Variants in ASB15 observed in about 807,000 individuals in gnomAD.
ASB15 encodes ankyrin repeat and SOCS box protein 15.
Under a neutral mutation model 58.0 loss-of-function variants are expected in ASB15, and 54 were observed. The ratio of observed to expected loss-of-function variants is 0.93; its 90% CI spans 0.75 to 1.17. The LOEUF is 1.17. ASB15 is among the 50% of genes most tolerant of loss of function. The pLI is 0.00. For missense variants in ASB15, 680 were observed against 707.4 expected (o/e 0.96, Z 0.44); for synonymous variants, 249 against 262.4 (o/e 0.95, Z 0.50).
In ASB15 at chr7:123,637,732, T is replaced by C. The variant is rs865818734; in HGVS notation, c.*751T>C. 6.6e-6 allele frequency: 1 copy of C among 151,924 alleles called. No individual in the cohort carries two copies. Among genetic ancestry groups the C allele is most frequent in the African/African-American group, 2.4e-5 (1 of 41,362 alleles). 9.4% of individuals were successfully genotyped at this position (151,924 alleles called of 1,614,324 possible). On this transcript the variant is annotated 3_prime_UTR_variant, in exon 12 of 12. Coordinates refer to ENST00000451215, the MANE Select transcript of ASB15 (RefSeq NM_001290258.2). ...CTCTGGGATATTTTATCCACATCCA[T>C]GGTCTTAATCATTTTGCTAGAGACT...
At chr7:123,620,522 A>ATTTTT (rs1801185561) in intron 7 of ASB15, among the ~76,000 whole-genome samples, 1 of 10,380 alleles carries the variant, frequency 9.6e-5, no homozygotes. Flanking sequence ...ATATATATAT[A>ATTTTT]TATATATATA....
At chr7:123,574,161 CT>C (rs1448611815) in intron 1 of ASB15, among the ~76,000 whole-genome samples, 3 of 150,912 alleles carry the variant, frequency 2.0e-5, no homozygotes, top group Non-Finnish European at 4.4e-5. Flanking sequence ...GACATCTCTT[CT>C]TTTTTTATAT....
rs1425843529 is a variant in ASB15, at chr7:123,637,890, A to C, written c.*909A>C. Reference sequence around the variant, plus strand: ...TCCCCAGATGAACTAAAAAAAAAAAAAAAAAAAAAACCTCTTTCCCGAGCT... The same window carrying C: ...TCCCCAGATGAACTAAAAAAAAAAACAAAAAAAAAACCTCTTTCCCGAGCT... On this transcript the variant is annotated 3_prime_UTR_variant, in exon 12 of 12. Coordinates refer to ENST00000451215, the MANE Select transcript of ASB15 (RefSeq NM_001290258.2). 10 of 149,164 alleles carry C rather than the reference A, an allele frequency of 6.7e-5. 2 individuals are homozygous for C. Among genetic ancestry groups the C allele is most frequent in the South Asian group, 6.6e-4 (3 of 4,562 alleles). 9.2% of individuals were successfully genotyped at this position (149,164 alleles called of 1,614,324 possible).
chr7:123,634,744 A>T (rs1403564788), intron 11 of ASB15, among the ~76,000 whole-genome samples: 2 of 152,252 alleles, frequency 1.3e-5, no homozygotes, highest in Non-Finnish European at 2.9e-5. Flanking sequence ...TAAATAATTT[A>T]AAAAGATATA....
chr7:123,617,280 T>C (rs917029715), intron 6 of ASB15, among the ~76,000 whole-genome samples: 9 of 152,174 alleles, frequency 5.9e-5, no homozygotes, highest in Non-Finnish European at 1.2e-4. Context: ...CAATATAAAT[T>C]ATAATACAAA....
intron 1 of ASB15, among the ~76,000 whole-genome samples, chr7:123,571,409 A>G (rs1418683490): frequency 6.6e-6 from 1 of 152,240 alleles, no homozygotes; most frequent in Non-Finnish European, 1.5e-5. Flanking sequence ...AATTTACTTC[A>G]AAATATTTGG....
At chr7:123,569,403 A>G (rs1798844064) in intron 1 of ASB15, among the ~76,000 whole-genome samples, 1 of 152,020 alleles carries the variant, frequency 6.6e-6, no homozygotes, top group Middle Eastern at 3.4e-3. Context: ...GCTAGGGCCC[A>G]AAAAAAAGGC....
intron 1 of ASB15, among the ~76,000 whole-genome samples, chr7:123,576,943 A>G (rs1485921667): frequency 6.6e-6 from 1 of 152,168 alleles, no homozygotes; most frequent in Non-Finnish European, 1.5e-5. Flanking sequence ...GCTTATGCAC[A>G]AATTTTCAGG....
At chr7:123,626,345 G>A (rs1214006021) in intron 8 of ASB15, among the ~76,000 whole-genome samples, 2 of 152,104 alleles carry the variant, frequency 1.3e-5, no homozygotes, top group Non-Finnish European at 2.9e-5. Context: ...GGTGGCACAT[G>A]CCTGCAATCC....
At chr7:123,584,816 T>C (rs1461411480) in intron 1 of ASB15, 1 of 151,938 alleles carries the variant, frequency 6.6e-6, no homozygotes, top group Non-Finnish European at 1.5e-5. Flanking sequence ...TATGAAACTT[T>C]CCATTAGTTC....
chr7:123,595,134 C>T (rs867276081), intron 1 of ASB15, among the ~76,000 whole-genome samples: 4 of 152,194 alleles, frequency 2.6e-5, no homozygotes, highest in African/African-American at 9.6e-5. Flanking sequence ...GCCTAAATGA[C>T]ACTTATCCTA....
At position 123,628,801 on chromosome 7, in the gene ASB15, G is replaced by A. The variant is rs910867551; in HGVS notation, c.870-63G>A. On this transcript the variant is annotated intron_variant, in intron 9 of 11. Transcript: ENST00000451215. ...TTGCATTCACTTATCTAGTGAGAACGGTAGTTTATTTAATTTCTTGATTTT... is the reference window on the plus strand; with the variant it reads ...TTGCATTCACTTATCTAGTGAGAACAGTAGTTTATTTAATTTCTTGATTTT... The A allele has an allele frequency of 4.4e-6, 5 of 1,129,896 alleles. No homozygotes were observed. In the South Asian group the frequency reaches 4.9e-5, roughly 11 times the overall value. The allele number at this position is 1,129,896 out of a possible 1,614,324, so 70.0% of individuals were successfully genotyped here.
At position 123,628,938 on chromosome 7, in the gene ASB15, C is replaced by G. The variant is rs757361040; in HGVS notation, c.944C>G (p.Ala315Gly). The G allele has an allele frequency of 2.1e-5, 34 of 1,608,456 alleles. No homozygotes were observed. The highest frequency in any genetic ancestry group is 3.4e-5 in the Admixed American group (2 of 59,304). ...AGTGGGCTAACACCAATTCACTCAG[C>G]AGCAGATGGACAAAATGCACAGTGT... Reference protein sequence around the residue: ...RKSGLTPIHSAADGQNAQCLE... With the variant: ...RKSGLTPIHSGADGQNAQCLE... Residue 315 changes from alanine to glycine, a missense_variant, in exon 10 of 12, where the codon GCA (alanine) becomes GGA (glycine). By Grantham distance (60) the Ala-to-Gly change is moderately conservative. Coordinates refer to ENST00000451215, the MANE Select transcript of ASB15 (RefSeq NM_001290258.2).
At position 123,624,834 on chromosome 7, in the gene ASB15, A is replaced by C. The variant is rs978199674; in HGVS notation, c.697+20A>C. On this transcript the variant is annotated intron_variant, in intron 8 of 11. Transcript: ENST00000451215. ...ACAAAGGTATGTGAAAAGGAGTTAC[A>C]CTTCCTGACTTTTGTCCTGCCTCTC... 1.2e-6 allele frequency: 2 copies of C among 1,605,664 alleles called. No homozygotes were observed. Among genetic ancestry groups the C allele is most frequent in the Non-Finnish European group, 1.7e-6 (2 of 1,175,108 alleles).
intron 3 of ASB15, among the ~76,000 whole-genome samples, chr7:123,611,017 A>C (rs1371761594): frequency 7.6e-6 from 1 of 131,912 alleles, no homozygotes; most frequent in Admixed American, 8.5e-5. Flanking sequence ...AGCAGGCGGG[A>C]GGTTGCAGTG....
chr7:123,574,436 T>G (rs950475390), intron 1 of ASB15, among the ~76,000 whole-genome samples: 2 of 152,148 alleles, frequency 1.3e-5, no homozygotes, highest in African/African-American at 4.8e-5. Context: ...AGGCCCCCAG[T>G]TTGTGATACA....
intron 2 of ASB15, among the ~76,000 whole-genome samples, chr7:123,605,062 A>G (rs1006032376): frequency 3.3e-5 from 5 of 152,276 alleles, no homozygotes; most frequent in Non-Finnish European, 7.4e-5. Flanking sequence ...GCAGTGACTC[A>G]TTATTATTTG....
chr7:123,614,601 T>C lies in ASB15; in HGVS notation c.99T>C (p.Cys33=), dbSNP rs1268810541. Residue 33 remains cysteine (C), a synonymous_variant, in exon 4 of 12, where the codon TGT becomes TGC. Coordinates refer to ENST00000451215, the MANE Select transcript of ASB15 (RefSeq NM_001290258.2). The part of the protein sequence containing the change: ...ESIEASKTAL[C]PERFVPLSAQ... The stretch of plus-strand genomic sequence containing the variant: ...TTGAAGCCAGCAAGACTGCACTTTG[T>C]CCTGAAAGGTAGTATTCAAACCAAC... 2 of 1,594,508 alleles carry C rather than the reference T, an allele frequency of 1.3e-6. No homozygotes were observed. The highest frequency in any genetic ancestry group is 4.5e-5 in the East Asian group (2 of 44,678).
At chr7:123,619,515 G>C (rs1801088951) in intron 7 of ASB15, among the ~76,000 whole-genome samples, 1 of 151,980 alleles carries the variant, frequency 6.6e-6, no homozygotes, top group Admixed American at 6.6e-5. Flanking sequence ...ATTTTGGCCT[G>C]GTTCCTTCTT....
Sources: allele counts gnomAD v4.1 joint callset (sites outside exome capture counted in the v4.1 genomes callset), GRCh38; gene constraint gnomAD v4.1.1; transcripts MANE v1.5; gene names NCBI Gene and HGNC (gene_info 2026-07-23, HGNC 2026-07-21).